Variants in DLGAP2 observed in about 807,000 individuals in gnomAD.
DLGAP2 encodes DLG associated protein 2.
A neutral mutation model predicts 100.3 loss-of-function variants in DLGAP2; 26 were observed. The observed-to-expected ratio is 0.26, with a 90% CI of 0.19 to 0.36. The LOEUF is 0.36. Ranked by LOEUF, DLGAP2 falls within the 10% of genes least tolerant of loss-of-function variation. DLGAP2 has a pLI of 1.00. For synonymous variants in DLGAP2, 886 were observed against 630.1 expected (o/e 1.41, Z -6.08); for missense variants, 1,858 against 1,453.2 (o/e 1.28, Z -4.53).
intron 1 of DLGAP2, among the ~76,000 whole-genome samples, chr8:869,144 A>G (rs749325521): frequency 7.3e-5 from 11 of 151,514 alleles, no homozygotes; most frequent in African/African-American, 1.2e-4. Context: ...CTTCCCCTTT[A>G]TTTACATATA....
At chr8:1,343,839 C>G (rs1305101373) in intron 3 of DLGAP2, among the ~76,000 whole-genome samples, 1 of 152,120 alleles carries the variant, frequency 6.6e-6, no homozygotes, top group African/African-American at 2.4e-5. Context: ...CGTGACAGAG[C>G]AGATGATGCT....
At chr8:1,107,872 A>G (rs777226563) in intron 2 of DLGAP2, among the ~76,000 whole-genome samples, 14 of 152,186 alleles carry the variant, frequency 9.2e-5, no homozygotes, top group African/African-American at 1.7e-4. Context: ...ACAAATGTCT[A>G]TAGCTCGGGG....
At chr8:1,580,571 C>T (rs567726886) in intron 6 of DLGAP2, among the ~76,000 whole-genome samples, 1 of 152,348 alleles carries the variant, frequency 6.6e-6, no homozygotes, top group African/African-American at 2.4e-5. Context: ...GTGGGAAGCA[C>T]TAATGCCAGG....
intron 2 of DLGAP2, among the ~76,000 whole-genome samples, chr8:1,215,095 G>A (rs924104517): frequency 2.0e-5 from 3 of 152,170 alleles, no homozygotes; most frequent in African/African-American, 4.8e-5. Context: ...AGTAAAGGTC[G>A]TCAAGTGAGG....
chr8:1,026,299 C>G (rs1012045535), intron 2 of DLGAP2, among the ~76,000 whole-genome samples: 7 of 152,192 alleles, frequency 4.6e-5, no homozygotes, highest in African/African-American at 1.4e-4. Flanking sequence ...GACCCCAACG[C>G]TTTGCTCTTC....
At chr8:1,560,494 T>G (rs1256722399) in intron 5 of DLGAP2, among the ~76,000 whole-genome samples, 4 of 152,192 alleles carry the variant, frequency 2.6e-5, no homozygotes, top group African/African-American at 9.6e-5. Context: ...TCATTTCTCC[T>G]CTTTCCCTGA....
At chr8:1,362,192 G>A (rs1198273578) in intron 3 of DLGAP2, among the ~76,000 whole-genome samples, 2 of 152,118 alleles carry the variant, frequency 1.3e-5, no homozygotes, top group Non-Finnish European at 1.5e-5. Flanking sequence ...GGGCAGGGGC[G>A]GCCGAGGTGG....
At chr8:1,468,405 C>T (rs955747584) in intron 3 of DLGAP2, among the ~76,000 whole-genome samples, 2 of 151,968 alleles carry the variant, frequency 1.3e-5, no homozygotes, top group Non-Finnish European at 2.9e-5. Context: ...GTTCACACGG[C>T]GTGGATCCGG....
chr8:818,519 G>T (rs1305058775), intron 1 of DLGAP2, among the ~76,000 whole-genome samples: 1 of 152,144 alleles, frequency 6.6e-6, no homozygotes, highest in Non-Finnish European at 1.5e-5. Context: ...CCTTCCAAGG[G>T]TCTGTGGATT....
intron 2 of DLGAP2, among the ~76,000 whole-genome samples, chr8:1,215,322 C>T (rs960326018): frequency 1.3e-5 from 2 of 152,334 alleles, no homozygotes; most frequent in African/African-American, 2.4e-5. Flanking sequence ...CATGATCATG[C>T]GAGGCTGATA....
In DLGAP2 at chr8:1,242,668, GC is replaced by G. The variant is rs1287312751; in HGVS notation, c.74-16180del. On this transcript the variant is annotated intron_variant, in intron 2 of 14. Transcript: ENST00000637795. ...GTTCTTAGGATTCCCTGATTAACAT[GC>G]CCTCTCCTCCTTAATGGTAAGGGAC... Among the ~76,000 whole-genome samples, 6 of 152,312 alleles carry G rather than the reference GC, an allele frequency of 3.9e-5. No individual in the cohort carries two copies. The East Asian group carries it at 9.7e-4, about 25-fold the overall frequency.
At chr8:905,459 A>AC (rs1029643866) in intron 1 of DLGAP2, among the ~76,000 whole-genome samples, 47 of 151,902 alleles carry the variant, frequency 3.1e-4, no homozygotes, top group African/African-American at 1.1e-3. Flanking sequence ...TTCCCCCCCC[A>AC]CAGCCCTTTT....
intron 2 of DLGAP2, among the ~76,000 whole-genome samples, chr8:1,161,657 G>C (rs1487794831): frequency 1.9e-4 from 29 of 152,218 alleles, no homozygotes; most frequent in Non-Finnish European, 1.5e-5. Flanking sequence ...AACGCCTGTA[G>C]GGAAATGGAG....
intron 2 of DLGAP2, among the ~76,000 whole-genome samples, chr8:1,039,775 T>C (rs76762622): frequency 5.2e-4 from 57 of 109,786 alleles, no homozygotes; most frequent in Admixed American, 8.6e-4. Flanking sequence ...TGTGTGTGGT[T>C]GGCTCGGTAT....
At chr8:1,614,214 C>G (rs1797075125) in intron 6 of DLGAP2, among the ~76,000 whole-genome samples, 1 of 152,198 alleles carries the variant, frequency 6.6e-6, no homozygotes, top group African/African-American at 2.4e-5. Flanking sequence ...GAGAAATCAA[C>G]TCTTCACAGG....
chr8:1,700,929 C>G (rs1180317327), intron 14 of DLGAP2, among the ~76,000 whole-genome samples: 1 of 152,254 alleles, frequency 6.6e-6, no homozygotes, highest in Non-Finnish European at 1.5e-5. Flanking sequence ...AATTTCTTTC[C>G]TGATTTGTCC....
At chr8:1,656,170 A>G (rs564576912) in intron 8 of DLGAP2, among the ~76,000 whole-genome samples, 112 of 152,288 alleles carry the variant, frequency 7.4e-4, no homozygotes, top group African/African-American at 2.5e-3. Context: ...CTAAAAATAT[A>G]AAATTAGCCA....
intron 2 of DLGAP2, among the ~76,000 whole-genome samples, chr8:1,204,517 T>C (rs1253255342): frequency 6.6e-6 from 1 of 152,234 alleles, no homozygotes; most frequent in Non-Finnish European, 1.5e-5. Flanking sequence ...TTTTCACACC[T>C]GGTGAAACTG....
intron 1 of DLGAP2, among the ~76,000 whole-genome samples, chr8:887,125 C>G (rs747575547): frequency 2.6e-5 from 4 of 151,912 alleles, no homozygotes; most frequent in Non-Finnish European, 5.9e-5. Context: ...TTATGTAATG[C>G]TCTTCTTTGC....
Sources: gnomAD v4.1 joint callset for allele counts (sites outside exome capture counted in the v4.1 genomes callset) on GRCh38, gnomAD v4.1.1 for gene constraint, MANE v1.5 for transcripts, NCBI Gene and HGNC (gene_info 2026-07-23, HGNC 2026-07-21) for gene names.